Variants in SGPP2 observed in about 807,000 individuals in gnomAD.
SGPP2 encodes sphingosine 1-phosphate phosphohydrolase 2.
Under a neutral mutation model 33.9 loss-of-function variants are expected in SGPP2, and 30 were observed. That is an observed-to-expected ratio of 0.89 (90% confidence interval 0.66 to 1.20). The LOEUF (loss-of-function observed/expected upper bound fraction) is 1.20, where lower values mean the gene tolerates loss of function less well. SGPP2 is among the 50% of genes most tolerant of loss of function. SGPP2 has a pLI of 0.00. For synonymous variants in SGPP2, 233 were observed against 225.0 expected, an observed-to-expected ratio of 1.04 and a Z score of -0.32; for missense variants, 458 against 532.1, an observed-to-expected ratio of 0.86 and a Z score of 1.37.
intron 1 of SGPP2, among the ~76,000 whole-genome samples, chr2:222,461,036 A>C (rs1697651329): frequency 6.6e-6 from 1 of 152,180 alleles, no homozygotes; most frequent in African/African-American, 2.4e-5. Flanking sequence ...GATTATAGGC[A>C]TGAGCCACCA....
At chr2:222,462,210 G>A (rs892780938) in intron 1 of SGPP2, among the ~76,000 whole-genome samples, 1 of 152,066 alleles carries the variant, frequency 6.6e-6, no homozygotes, top group Non-Finnish European at 1.5e-5. Context: ...GGGGAACATG[G>A]TCAACACATA....
chr2:222,535,807 A>C (rs1319605723), intron 4 of SGPP2, among the ~76,000 whole-genome samples: 1 of 152,234 alleles, frequency 6.6e-6, no homozygotes, highest in African/African-American at 2.4e-5. Flanking sequence ...GCTAGTGGCC[A>C]GGCAGCCAAA....
At chr2:222,554,027 C>A (rs1689345070) in intron 4 of SGPP2, among the ~76,000 whole-genome samples, 1 of 152,106 alleles carries the variant, frequency 6.6e-6, no homozygotes, top group Non-Finnish European at 1.5e-5. Context: ...GTCCTGATCC[C>A]ACTCGTGTGG....
At position 222,474,692 on chromosome 2, in the gene SGPP2, C is replaced by A; in HGVS notation, c.344C>A (p.Pro115His). The change falls in exon 2 of 5, where the codon CCT (proline) becomes CAT (histidine). Residue 115 changes from proline to histidine, a missense_variant. Coordinates refer to ENST00000321276, the MANE Select transcript of SGPP2 (RefSeq NM_152386.4). ...FLPFTHWNID[P>H]YLSRRLIIIW... ...CCATTCACTCACTGGAATATTGACCCTTATTTATCCAGAAGATTGATCATC... is the reference window on the plus strand; with the variant it reads ...CCATTCACTCACTGGAATATTGACCATTATTTATCCAGAAGATTGATCATC... The A allele has an allele frequency of 6.2e-7, 1 of 1,613,948 alleles. No individual in the cohort carries two copies. Among genetic ancestry groups the A allele is most frequent in the Non-Finnish European group, 8.5e-7 (1 of 1,179,876 alleles).
chr2:222,557,950 C>T (rs1440894871), intron 4 of SGPP2, among the ~76,000 whole-genome samples: 1 of 152,212 alleles, frequency 6.6e-6, no homozygotes, highest in East Asian at 1.9e-4. Flanking sequence ...TTTAGCCAGC[C>T]TGCAGCCCAA....
intron 4 of SGPP2, among the ~76,000 whole-genome samples, chr2:222,541,213 C>CT (rs1698991823): frequency 6.6e-6 from 1 of 152,202 alleles, no homozygotes; most frequent in African/African-American, 2.4e-5. Flanking sequence ...TTCTAAAACT[C>CT]TAAGTTAACT....
In SGPP2 at chr2:222,524,616, G is replaced by A. The variant is rs149372767; in HGVS notation, c.559-328G>A. 1.6e-3 allele frequency among the ~76,000 whole-genome samples: 239 copies of A among 152,262 alleles called. 1 individual carries two copies. The highest frequency in any genetic ancestry group is 0.012 in the Admixed American group (191 of 15,292). ...TCTTATCGTTCTAATTTAAGAATAGGTAGAAATCAAAGTTATTCATTTCAC... is the reference window on the plus strand; with the variant it reads ...TCTTATCGTTCTAATTTAAGAATAGATAGAAATCAAAGTTATTCATTTCAC... On this transcript the variant is annotated intron_variant, in intron 3 of 4. Transcript: ENST00000321276.
chr2:222,513,054 C>T (rs1434607975), intron 2 of SGPP2, among the ~76,000 whole-genome samples: 1 of 152,162 alleles, frequency 6.6e-6, no homozygotes, highest in Admixed American at 6.5e-5. Context: ...ACTGCCATAC[C>T]ATCTTCCAAA....
intron 2 of SGPP2, among the ~76,000 whole-genome samples, chr2:222,506,998 G>A (rs1417614334): frequency 1.3e-5 from 2 of 152,174 alleles, no homozygotes; most frequent in Admixed American, 6.5e-5. Flanking sequence ...TGGGAGCACA[G>A]AGAAAACCTC....
intron 2 of SGPP2, among the ~76,000 whole-genome samples, chr2:222,492,530 C>T (rs1366608870): frequency 2.6e-5 from 4 of 152,248 alleles, no homozygotes; most frequent in Admixed American, 2.0e-4. Flanking sequence ...CTGCATAGAA[C>T]AGGGAGGCCC....
chr2:222,540,207 AC>A (rs1382638003), intron 4 of SGPP2, among the ~76,000 whole-genome samples: 2 of 152,172 alleles, frequency 1.3e-5, no homozygotes, highest in Non-Finnish European at 2.9e-5. Context: ...TGTGGATGGA[AC>A]CCAAGCCTAA....
intron 1 of SGPP2, among the ~76,000 whole-genome samples, chr2:222,457,166 G>GT (rs1219004537): frequency 4.0e-5 from 6 of 151,676 alleles, no homozygotes; most frequent in African/African-American, 1.2e-4. Context: ...ATATTCAGTG[G>GT]TTTTTTTAAT....
chr2:222,549,921 G>C (rs551934266), intron 4 of SGPP2, among the ~76,000 whole-genome samples: 1 of 147,318 alleles, frequency 6.8e-6, no homozygotes, highest in African/African-American at 2.5e-5. Flanking sequence ...TCTGTCACCC[G>C]GGCTGAATAC....
At chr2:222,437,434 C>T (rs1048166820) in intron 1 of SGPP2, among the ~76,000 whole-genome samples, 13 of 152,192 alleles carry the variant, frequency 8.5e-5, no homozygotes, top group Non-Finnish European at 1.9e-4. Context: ...GTGGTGCCTG[C>T]CTATCATGCA....
chr2:222,478,267 T>TGTGTGTGTGTG (rs1697979005), intron 2 of SGPP2, among the ~76,000 whole-genome samples: 6 of 141,592 alleles, frequency 4.2e-5, no homozygotes, highest in Middle Eastern at 7.1e-3. Flanking sequence ...GTGCATGCAT[T>TGTGTGTGTGTG]TGTGTGTGTG....
At chr2:222,472,467 A>G (rs1054475256) in intron 1 of SGPP2, among the ~76,000 whole-genome samples, 3 of 152,152 alleles carry the variant, frequency 2.0e-5, no homozygotes, top group Admixed American at 2.0e-4. Flanking sequence ...AAGTCTGGAA[A>G]ACATCTCAAA....
intron 2 of SGPP2, among the ~76,000 whole-genome samples, chr2:222,501,080 A>T (rs1574863722): frequency 6.6e-6 from 1 of 152,340 alleles, no homozygotes; most frequent in African/African-American, 2.4e-5. Context: ...CCAAATTCAG[A>T]CAAACAGAAA....
chr2:222,517,697 AG>A (rs1465660716), intron 2 of SGPP2, among the ~76,000 whole-genome samples: 4 of 152,176 alleles, frequency 2.6e-5, no homozygotes, highest in Non-Finnish European at 5.9e-5. Flanking sequence ...ACACATCCCT[AG>A]ACTCCTAACG....
At chr2:222,528,854 C>T (rs1234392454) in intron 4 of SGPP2, among the ~76,000 whole-genome samples, 3 of 152,174 alleles carry the variant, frequency 2.0e-5, no homozygotes, top group Non-Finnish European at 2.9e-5. Flanking sequence ...TGGGCTCAAG[C>T]AATCATACCA....
Sources: allele counts gnomAD v4.1 joint callset (sites outside exome capture counted in the v4.1 genomes callset), GRCh38; gene constraint gnomAD v4.1.1; transcripts MANE v1.5; gene names NCBI Gene and HGNC (gene_info 2026-07-23, HGNC 2026-07-21).